The following SOX11 variants were observed in gnomAD, a reference collection of about 807,000 sequenced individuals.
SOX11 encodes the protein SRY-box transcription factor 11, also known as transcription factor SOX-11.
A neutral mutation model predicts 16.7 loss-of-function variants in SOX11; 5 were observed. That is an observed-to-expected ratio of 0.30 (90% CI 0.16 to 0.63). The LOEUF is 0.63. SOX11 is among the 20% of genes least tolerant of loss of function. The pLI is 0.82. For missense variants in SOX11, 492 were observed against 641.5 expected, an observed-to-expected ratio of 0.77 and a Z score of 2.52; for synonymous variants, 363 against 298.8, an observed-to-expected ratio of 1.21 and a Z score of -2.22.
rs1665814875 is a variant in SOX11 at position 5,700,404 on chromosome 2, G to A, written c.*6357G>A. ...ATGCTTGTCTTACTTTCTTAGACAC[G>A]TTACATTTCCCCTTCCAAAAAAAAA... On this transcript the variant is annotated 3_prime_UTR_variant, in exon 1 of 1. Coordinates refer to ENST00000322002, the MANE Select transcript of SOX11 (RefSeq NM_003108.4). 6.4e-6 allele frequency: 1 copy of A among 157,036 alleles called. No individual in the cohort carries two copies. The highest frequency in any genetic ancestry group is 2.3e-4 in the South Asian group (1 of 4,408). 9.7% of individuals were successfully genotyped at this position (157,036 alleles called of 1,614,324 possible).
Position 5,697,774 on chromosome 2 carries a change from G to A in SOX11, c.*3727G>A, listed in dbSNP as rs1342277416. 6.0e-6 allele frequency: 1 copy of A among 167,082 alleles called. No individual in the cohort carries two copies. Among genetic ancestry groups the A allele is most frequent in the Non-Finnish European group, 1.5e-5 (1 of 68,144 alleles). The allele number at this position is 167,082 out of a possible 1,614,324, so 10.3% of individuals were successfully genotyped here. A position where few individuals can be genotyped will look rare whatever the true frequency, so the allele number is the denominator to read the frequency against. ...ACATTTATTTTAGCCACGGATAATT[G>A]AACCAGCGGTTTACAATTGACACGT... On this transcript the variant is annotated 3_prime_UTR_variant, in exon 1 of 1. Transcript: ENST00000322002.
At position 5,698,395 on chromosome 2, in the gene SOX11, G is replaced by T. The variant is rs1229254490; in HGVS notation, c.*4348G>T. ...CTGTGTGCACGGCAGCCTAGCCAGTGGGGATCCTGCTGTTTATTATAAGTA... is the reference window on the plus strand; with the variant it reads ...CTGTGTGCACGGCAGCCTAGCCAGTTGGGATCCTGCTGTTTATTATAAGTA... On this transcript the variant is annotated 3_prime_UTR_variant, in exon 1 of 1. Coordinates refer to ENST00000322002, the MANE Select transcript of SOX11 (RefSeq NM_003108.4). 6.0e-6 allele frequency: 1 copy of T among 167,038 alleles called. No homozygotes were observed. Among genetic ancestry groups the T allele is most frequent in the Non-Finnish European group, 1.5e-5 (1 of 68,106 alleles). 10.3% of individuals were successfully genotyped at this position (167,038 alleles called of 1,614,324 possible).
rs1011213682 is a variant in SOX11, at chr2:5,692,425, G to T, written c.-297G>T. 6.6e-6 allele frequency among the ~76,000 whole-genome samples: 1 copy of T among 152,064 alleles called. No individual in the cohort carries two copies. The highest frequency in any genetic ancestry group is 2.0e-4 in the East Asian group (1 of 5,114). ...CGCCTGGGAGAGCTCGGGGTCCGGC[G>T]CTTGCGGTAGGAGCCACGAGCCGGA... On this transcript the variant is annotated 5_prime_UTR_variant, in exon 1 of 1. Transcript: ENST00000322002.
In SOX11 at chr2:5,693,603, C is replaced by A; in HGVS notation, c.882C>A (p.Tyr294Ter). Reference protein sequence around the residue: ...SAESPEGASLYDEVRAGATSG... With the variant: ...SAESPEGASL ...AGTCCCCCGAGGGAGCGAGCCTCTACGACGAGGTGCGGGCCGGCGCGACCT... is the reference window on the plus strand; with the variant it reads ...AGTCCCCCGAGGGAGCGAGCCTCTAAGACGAGGTGCGGGCCGGCGCGACCT... Residue 294 changes from tyrosine (Y) to a stop codon, truncating the protein, a stop_gained, in exon 1 of 1, where the codon TAC (tyrosine) becomes TAA (stop). Transcript: ENST00000322002. LOFTEE classifies it high-confidence loss of function. This position sits in a 1 kb window ranked among gnomAD's most constrained non-coding sequence, Gnocchi z 8.6. The A allele has an allele frequency of 6.4e-7, 1 of 1,564,248 alleles. No homozygotes were observed. Among genetic ancestry groups the A allele is most frequent in the Non-Finnish European group, 8.6e-7 (1 of 1,162,756 alleles).
rs1225153900 is a variant in SOX11 at position 5,692,671 on chromosome 2, C to A, written c.-51C>A. 1 of 1,475,682 alleles carries A rather than the reference C, an allele frequency of 6.8e-7. No homozygotes were observed. Among genetic ancestry groups the A allele is most frequent in the South Asian group, 1.4e-5 (1 of 72,116 alleles). 91.4% of individuals were successfully genotyped at this position (1,475,682 alleles called of 1,614,324 possible). On this transcript the variant is annotated 5_prime_UTR_variant, in exon 1 of 1. Transcript: ENST00000322002. ...AGGGGTGGGAGGGGGAGGGGGACCT[C>A]CGCACGAGACCCAGCGGCCCGGGTT...
chr2:5,697,071 G>T lies in SOX11; in HGVS notation c.*3024G>T. 1 of 158,018 alleles carries T rather than the reference G, an allele frequency of 6.3e-6. No homozygotes were observed. The allele number at this position is 158,018 out of a possible 1,614,324, so 9.8% of individuals were successfully genotyped here. A position where few individuals can be genotyped will look rare whatever the true frequency, so the allele number is the denominator to read the frequency against. Reference sequence around the variant, plus strand: ...GCGGCAGGCCCGAGCAGGCGATCGCGGCCGGGCACGCGCGCCCCGGGCTCC... The same window carrying T: ...GCGGCAGGCCCGAGCAGGCGATCGCTGCCGGGCACGCGCGCCCCGGGCTCC... On this transcript the variant is annotated 3_prime_UTR_variant, in exon 1 of 1. Coordinates refer to ENST00000322002, the MANE Select transcript of SOX11 (RefSeq NM_003108.4).
In SOX11 at chr2:5,696,692, C is replaced by A. The variant is rs1665735334; in HGVS notation, c.*2645C>A. 1 of 151,906 alleles carries A rather than the reference C, an allele frequency of 6.6e-6. No individual in the cohort carries two copies. Among genetic ancestry groups the A allele is most frequent in the Non-Finnish European group, 1.5e-5 (1 of 67,932 alleles). 9.4% of individuals were successfully genotyped at this position (151,906 alleles called of 1,614,324 possible). ...CGGGCCCTTGAGGCGCGCGGAGACA[C>A]CAGCGCTGGCTTCCCGGGCCCGCGG... On this transcript the variant is annotated 3_prime_UTR_variant, in exon 1 of 1. Coordinates refer to ENST00000322002, the MANE Select transcript of SOX11 (RefSeq NM_003108.4).
rs1665772069 is a variant in SOX11, at chr2:5,698,019, G to C, written c.*3972G>C. On this transcript the variant is annotated 3_prime_UTR_variant, in exon 1 of 1. Transcript: ENST00000322002. ...ATAATTTGGCTTCAGAATGGGAAGA[G>C]ATAGTCAAGATTTTTTTTTTTTAAA... The C allele has an allele frequency of 6.5e-6, 1 of 152,942 alleles. No homozygotes were observed. The highest frequency in any genetic ancestry group is 1.6e-5 in the Non-Finnish European group (1 of 64,292). The allele number at this position is 152,942 out of a possible 1,614,324, so 9.5% of individuals were successfully genotyped here.
Position 5,697,301 on chromosome 2 carries a change from GTTTGGCCTTCCAT to G in SOX11, c.*3258_*3270del, listed in dbSNP as rs534151803. The G allele has an allele frequency of 1.2e-5, 2 of 167,198 alleles. No homozygotes were observed. The highest frequency in any genetic ancestry group is 4.1e-4 in the South Asian group (2 of 4,828). 10.4% of individuals were successfully genotyped at this position (167,198 alleles called of 1,614,324 possible). ...TCACCTACTGAGATGATTGACCGAG[GTTTGGCCTTCCAT>G]TTTTACTGAGATTTGGCGAGACCGA... On this transcript the variant is annotated 3_prime_UTR_variant, in exon 1 of 1. Coordinates refer to ENST00000322002, the MANE Select transcript of SOX11 (RefSeq NM_003108.4).
At position 5,694,116 on chromosome 2, in the gene SOX11, G is replaced by GTT; in HGVS notation, c.*69_*70insTT. 6.8e-7 allele frequency: 1 copy of GTT among 1,460,548 alleles called. No homozygotes were observed. Among genetic ancestry groups the GTT allele is most frequent in the Non-Finnish European group, 9.0e-7 (1 of 1,109,578 alleles). The allele number at this position is 1,460,548 out of a possible 1,614,324, so 90.5% of individuals were successfully genotyped here. A position where few individuals can be genotyped will look rare whatever the true frequency, so the allele number is the denominator to read the frequency against. ...GGGTTCCTTGGGAGGAAGTTGTAGT[G>GTT]GTGATGATGATGATGATAATGATGA... On this transcript the variant is annotated 3_prime_UTR_variant, in exon 1 of 1. Transcript: ENST00000322002.
chr2:5,699,368 A>T lies in SOX11; in HGVS notation c.*5321A>T, dbSNP rs1305100918. 1.8e-5 allele frequency: 3 copies of T among 167,080 alleles called. No individual in the cohort carries two copies. The highest frequency in any genetic ancestry group is 4.4e-5 in the Non-Finnish European group (3 of 68,116). 10.3% of individuals were successfully genotyped at this position (167,080 alleles called of 1,614,324 possible). A position where few individuals can be genotyped will look rare whatever the true frequency, so the allele number is the denominator to read the frequency against. ...TGTCAGTTTCAAATACCCTTTGTAT[A>T]GCCTAAGCCTGTGAGGATAACAAGA... On this transcript the variant is annotated 3_prime_UTR_variant, in exon 1 of 1. Coordinates refer to ENST00000322002, the MANE Select transcript of SOX11 (RefSeq NM_003108.4).
rs1665806579 is a variant in SOX11 at position 5,699,959 on chromosome 2, A to T, written c.*5912A>T. ...GCAGAAAGTATAAAACGGCTTACAA[A>T]GGGAGACACAAGCTCATAATGTTCC... On this transcript the variant is annotated 3_prime_UTR_variant, in exon 1 of 1. Transcript: ENST00000322002. The T allele has an allele frequency of 6.0e-6, 1 of 167,066 alleles. No homozygotes were observed. The highest frequency in any genetic ancestry group is 1.5e-5 in the Non-Finnish European group (1 of 68,120). 10.3% of individuals were successfully genotyped at this position (167,066 alleles called of 1,614,324 possible). A position where few individuals can be genotyped will look rare whatever the true frequency, so the allele number is the denominator to read the frequency against.
chr2:5,694,061 C>T lies in SOX11; in HGVS notation c.*14C>T. 1 of 1,543,104 alleles carries T rather than the reference C, an allele frequency of 6.5e-7. No individual in the cohort carries two copies. The highest frequency in any genetic ancestry group is 8.8e-7 in the Non-Finnish European group (1 of 1,142,722). ...TTCACATATTGAAAGGCGCCCGCTG[C>T]TCGCTCTTTCTCTCGGAGGGTGCAG... On this transcript the variant is annotated 3_prime_UTR_variant, in exon 1 of 1. Transcript: ENST00000322002.
In SOX11 at chr2:5,693,642, C is replaced by A. The variant is rs1411787646; in HGVS notation, c.921C>A (p.Gly307=). The change falls in exon 1 of 1, where the codon GGC becomes GGA. Residue 307 remains glycine, a synonymous_variant. Transcript: ENST00000322002. The surrounding 1 kb of genome is among the most constrained non-coding windows in gnomAD (Gnocchi z 8.6). ...VRAGATSGAG[G]GSRLYYSFKN... ...CCGGCGCGACCTCGGGCGCCGGGGGCGGCAGCCGCCTCTACTACAGCTTCA... is the reference window on the plus strand; with the variant it reads ...CCGGCGCGACCTCGGGCGCCGGGGGAGGCAGCCGCCTCTACTACAGCTTCA... 7 of 1,584,908 alleles carry A rather than the reference C, an allele frequency of 4.4e-6. No homozygotes were observed. The East Asian group carries it at 1.4e-4, about 31-fold the overall frequency.
Position 5,695,229 on chromosome 2 carries a change from G to A in SOX11, c.*1182G>A, listed in dbSNP as rs1209106807. ...AAAAAAAAAAAGCAAACTTTTTTTT[G>A]TACAGCTATAGTAGAGATTTGTTCA... On this transcript the variant is annotated 3_prime_UTR_variant, in exon 1 of 1. Coordinates refer to ENST00000322002, the MANE Select transcript of SOX11 (RefSeq NM_003108.4). 6.3e-6 allele frequency: 1 copy of A among 157,584 alleles called. No individual in the cohort carries two copies. The highest frequency in any genetic ancestry group is 1.5e-5 in the Non-Finnish European group (1 of 66,012). The allele number at this position is 157,584 out of a possible 1,614,324, so 9.8% of individuals were successfully genotyped here. A position where few individuals can be genotyped will look rare whatever the true frequency, so the allele number is the denominator to read the frequency against.
Position 5,694,132 on chromosome 2 carries a change from ATAATG to A in SOX11, c.*86_*90del. Reference sequence around the variant, plus strand: ...AGTTGTAGTGGTGATGATGATGATGATAATGATGATGATGATGGTGGTGTTGATGG... The same window carrying A: ...AGTTGTAGTGGTGATGATGATGATGAATGATGATGATGGTGGTGTTGATGG... On this transcript the variant is annotated 3_prime_UTR_variant, in exon 1 of 1. Coordinates refer to ENST00000322002, the MANE Select transcript of SOX11 (RefSeq NM_003108.4). 1 of 1,450,224 alleles carries A rather than the reference ATAATG, an allele frequency of 6.9e-7. No individual in the cohort carries two copies. Among genetic ancestry groups the A allele is most frequent in the African/African-American group, 1.4e-5 (1 of 69,688 alleles). The allele number at this position is 1,450,224 out of a possible 1,614,324, so 89.8% of individuals were successfully genotyped here. A position where few individuals can be genotyped will look rare whatever the true frequency, so the allele number is the denominator to read the frequency against.
rs753653057 is a variant in SOX11 at position 5,696,503 on chromosome 2, G to A, written c.*2456G>A. On this transcript the variant is annotated 3_prime_UTR_variant, in exon 1 of 1. Coordinates refer to ENST00000322002, the MANE Select transcript of SOX11 (RefSeq NM_003108.4). ...TGCGATCCGAGTCGCGGTCTCCGGG[G>A]TGCCTGGGAGGGCCGAACCACTGGT... The A allele has an allele frequency of 7.1e-4, 110 of 155,526 alleles. No individual in the cohort carries two copies. Among genetic ancestry groups the A allele is most frequent in the Middle Eastern group, 3.4e-3 (1 of 292 alleles). The allele number at this position is 155,526 out of a possible 1,614,324, so 9.6% of individuals were successfully genotyped here. A position where few individuals can be genotyped will look rare whatever the true frequency, so the allele number is the denominator to read the frequency against.
chr2:5,693,322 G>T lies in SOX11; in HGVS notation c.601G>T (p.Gly201Cys). 3.2e-6 allele frequency: 5 copies of T among 1,586,532 alleles called. No homozygotes were observed. The highest frequency in any genetic ancestry group is 4.3e-6 in the Non-Finnish European group (5 of 1,174,912). The change falls in exon 1 of 1, where the codon GGC becomes TGC. Residue 201 changes from glycine (G) to cysteine (C), a missense_variant. Coordinates refer to ENST00000322002, the MANE Select transcript of SOX11 (RefSeq NM_003108.4). The surrounding 1 kb of genome is among the most constrained non-coding windows in gnomAD (Gnocchi z 8.6). ...GGGCGCGGGCGACGACTACGTGCTGGGCAGCCTGCGCGTGAGCGGCTCGGG... is the reference window on the plus strand; with the variant it reads ...GGGCGCGGGCGACGACTACGTGCTGTGCAGCCTGCGCGTGAGCGGCTCGGG... ...YGGAGDDYVLGSLRVSGSGGG... is the reference protein window; with the variant it reads ...YGGAGDDYVLCSLRVSGSGGG...
chr2:5,700,896 CT>C lies in SOX11; in HGVS notation c.*6853del. On this transcript the variant is annotated 3_prime_UTR_variant, in exon 1 of 1. Coordinates refer to ENST00000322002, the MANE Select transcript of SOX11 (RefSeq NM_003108.4). ...TTGGGAGCAGAAAAGCTGAAAAACC[CT>C]TTTGTGTAGAAGTCTGAGTGGTTTG... 1 of 166,442 alleles carries C rather than the reference CT, an allele frequency of 6.0e-6. No individual in the cohort carries two copies. The highest frequency in any genetic ancestry group is 1.5e-5 in the Non-Finnish European group (1 of 68,120). 10.3% of individuals were successfully genotyped at this position (166,442 alleles called of 1,614,324 possible).
Sources: allele counts gnomAD v4.1 joint callset (sites outside exome capture counted in the v4.1 genomes callset), GRCh38; gene constraint gnomAD v4.1.1; non-coding constraint Gnocchi (gnomAD v3.1); transcripts MANE v1.5; gene names NCBI Gene and HGNC (gene_info 2026-07-23, HGNC 2026-07-21).